ABAT: variants seen among roughly 807,000 people sequenced by gnomAD.
ABAT encodes 4-aminobutyrate aminotransferase, mitochondrial.
A neutral mutation model predicts 64.6 loss-of-function variants in ABAT; 45 were observed. The ratio of observed to expected loss-of-function variants is 0.70; its 90% CI spans 0.55 to 0.89. The LOEUF (loss-of-function observed/expected upper bound fraction) is 0.89, where lower values mean the gene tolerates loss of function less well. Ranked by LOEUF, ABAT falls within the 40% of genes least tolerant of loss-of-function variation. The pLI is 0.00. For missense variants in ABAT, 633 were observed against 658.4 expected, an observed-to-expected ratio of 0.96 and a Z score of 0.42; for synonymous variants, 297 against 250.5, an observed-to-expected ratio of 1.19 and a Z score of -1.75.
intron 1 of ABAT, chr16:8,713,443 C>A: frequency 6.0e-6 from 1 of 165,362 alleles, no homozygotes; most frequent in Non-Finnish European, 1.3e-5. Context: ...TTTTTTCTCT[C>A]TGTTTATCGC....
chr16:8,744,601 C>T (rs2059276821), intron 2 of ABAT, among the ~76,000 whole-genome samples: 1 of 152,074 alleles, frequency 6.6e-6, no homozygotes. Context: ...CTCCTGACCT[C>T]AGGTGATCCA....
intron 1 of ABAT, among the ~76,000 whole-genome samples, chr16:8,679,946 C>A (rs1010058589): frequency 7.2e-5 from 11 of 152,064 alleles, no homozygotes; most frequent in African/African-American, 2.4e-4. Flanking sequence ...ACTGTCTTGC[C>A]CGTTGCAGGG....
chr16:8,685,801 A>G (rs1350159121), intron 1 of ABAT, among the ~76,000 whole-genome samples: 1 of 152,224 alleles, frequency 6.6e-6, no homozygotes, highest in Non-Finnish European at 1.5e-5. Flanking sequence ...GGAAGAGTAG[A>G]TCATGTCCCG....
At chr16:8,759,212 A>G (rs139117796) in intron 6 of ABAT, among the ~76,000 whole-genome samples, 15 of 152,072 alleles carry the variant, frequency 9.9e-5, no homozygotes, top group African/African-American at 3.6e-4. Flanking sequence ...AAGTTTCACA[A>G]CTCTTTTTGT....
At chr16:8,683,385 A>C (rs911973928) in intron 1 of ABAT, 6 of 153,072 alleles carry the variant, frequency 3.9e-5, no homozygotes, top group African/African-American at 1.4e-4. Flanking sequence ...CGGCATCAAT[A>C]TGGTGACCTC....
Position 8,757,786 on chromosome 16 carries a change from A to G in ABAT, c.346A>G (p.Ile116Val). ...CAGCCACCCCGCCCTGCTGAAACTC[A>G]TCCAACAGCCTCAAAATGCGGTAGG... ...GYSHPALLKL[I>V]QQPQNASMFV... The change falls in exon 6 of 16, where the codon ATC (isoleucine) becomes GTC (valine). Residue 116 changes from isoleucine to valine, a missense_variant. Coordinates refer to ENST00000268251, the MANE Select transcript of ABAT (RefSeq NM_020686.6). The G allele has an allele frequency of 6.2e-7, 1 of 1,614,114 alleles. No homozygotes were observed. The highest frequency in any genetic ancestry group is 8.5e-7 in the Non-Finnish European group (1 of 1,179,960).
intron 1 of ABAT, among the ~76,000 whole-genome samples, chr16:8,714,438 C>G (rs1821884694): frequency 6.6e-6 from 1 of 152,230 alleles, no homozygotes; most frequent in Non-Finnish European, 1.5e-5. Context: ...GCGGCTCACG[C>G]CAAGAGTAGA....
rs78213813 is a variant in ABAT, at chr16:8,761,556, C to T, written c.367-2513C>T. ...GATTTGATGGTGAATCCACGTTCTC[C>T]GTCCCAGTCTGGGTTGGGTTGTTCT... On this transcript the variant is annotated intron_variant, in intron 6 of 15. Coordinates refer to ENST00000268251, the MANE Select transcript of ABAT (RefSeq NM_020686.6). Among the ~76,000 whole-genome samples, 1,398 of 152,322 alleles carry T rather than the reference C, an allele frequency of 9.2e-3. 18 individuals carry two copies. The highest frequency in any genetic ancestry group is 0.028 in the African/African-American group (1,174 of 41,566).
At chr16:8,675,733 G>A (rs1194964244) in intron 1 of ABAT, among the ~76,000 whole-genome samples, 1 of 152,168 alleles carries the variant, frequency 6.6e-6, no homozygotes, top group Non-Finnish European at 1.5e-5. Context: ...CTCTGAGGCA[G>A]CAGGACCAGC....
At position 8,781,405 on chromosome 16, in the gene ABAT, G is replaced by C; in HGVS notation, c.1478G>C (p.Ser493Thr). 6.2e-7 allele frequency: 1 copy of C among 1,614,196 alleles called. No individual in the cohort carries two copies. The highest frequency in any genetic ancestry group is 8.5e-7 in the Non-Finnish European group (1 of 1,180,034). The change falls in exon 16 of 16, where the codon AGT becomes ACT. Residue 493 changes from serine to threonine, a missense_variant. Physicochemically the swap from Ser to Thr is moderately conservative, Grantham distance 58. Coordinates refer to ENST00000268251, the MANE Select transcript of ABAT (RefSeq NM_020686.6). The surrounding 1 kb of genome is among the most constrained non-coding windows in gnomAD (Gnocchi z 4.5). Reference protein sequence around the residue: ...HHAHLFLNIFSDILADFK With the variant: ...HHAHLFLNIFTDILADFK ...GCTCACCTGTTCCTCAATATTTTCA[G>C]TGACATCTTAGCAGACTTCAAGTAA...
At chr16:8,686,810 A>G (rs1314213761) in intron 1 of ABAT, among the ~76,000 whole-genome samples, 1 of 152,230 alleles carries the variant, frequency 6.6e-6, no homozygotes. Context: ...CCTAATGATC[A>G]CAGCAGAGTT....
chr16:8,777,570 G>C (rs926850246), intron 14 of ABAT, among the ~76,000 whole-genome samples: 3 of 152,160 alleles, frequency 2.0e-5, no homozygotes, highest in African/African-American at 2.4e-5. Context: ...CCGTAAGGAC[G>C]TGTGGGGATG....
chr16:8,687,931 C>T (rs2057494019), intron 1 of ABAT, among the ~76,000 whole-genome samples: 1 of 151,748 alleles, frequency 6.6e-6, no homozygotes, highest in Admixed American at 6.6e-5. Flanking sequence ...AGGGGTCTCA[C>T]TCTGTTGCTC....
At chr16:8,675,834 C>T (rs904176412) in intron 1 of ABAT, among the ~76,000 whole-genome samples, 59 of 152,188 alleles carry the variant, frequency 3.9e-4, no homozygotes, top group African/African-American at 1.4e-3. Context: ...TCTGGGAGGA[C>T]AGCTGGCCCT....
At chr16:8,695,279 T>C (rs1385413113) in intron 1 of ABAT, among the ~76,000 whole-genome samples, 1 of 152,222 alleles carries the variant, frequency 6.6e-6, no homozygotes, top group East Asian at 1.9e-4. Flanking sequence ...AGGAGAACTC[T>C]TCAGAGATTT....
chr16:8,708,248 C>T (rs551577471), intron 1 of ABAT, among the ~76,000 whole-genome samples: 1 of 152,226 alleles, frequency 6.6e-6, no homozygotes, highest in South Asian at 2.1e-4. Context: ...GAGTTAGTTG[C>T]AGACTTTTTA....
Position 8,775,076 on chromosome 16 carries a change from T to C in ABAT, c.1122+19T>C, listed in dbSNP as rs200806830. The C allele has an allele frequency of 6.2e-7, 1 of 1,614,136 alleles. No homozygotes were observed. The highest frequency in any genetic ancestry group is 1.1e-5 in the South Asian group (1 of 91,076). Reference sequence around the variant, plus strand: ...TAATGCTGTGAGTTGGAGCCAACCTTCTCTCTACATCCAGGGCAGAGAAGG... The same window carrying C: ...TAATGCTGTGAGTTGGAGCCAACCTCCTCTCTACATCCAGGGCAGAGAAGG... On this transcript the variant is annotated intron_variant, in intron 13 of 15. Transcript: ENST00000268251.
intron 9 of ABAT, 30 bp downstream of exon 9, chr16:8,766,300 A>G (rs749604633): frequency 5.6e-6 from 9 of 1,608,496 alleles, no homozygotes; most frequent in South Asian, 2.2e-5. Context: ...CACCACGTAC[A>G]TCTGGGGAAG....
intron 15 of ABAT, chr16:8,780,796 C>T (rs530754069): frequency 2.2e-5 from 4 of 183,840 alleles, no homozygotes; most frequent in South Asian, 2.0e-4. Flanking sequence ...TAAACAACCT[C>T]GACAAGGAAA....
Sources: gnomAD v4.1 joint callset for allele counts (sites outside exome capture counted in the v4.1 genomes callset) on GRCh38, gnomAD v4.1.1 for gene constraint, Gnocchi (gnomAD v3.1) non-coding constraint, MANE v1.5 for transcripts, NCBI Gene and HGNC (gene_info 2026-07-23, HGNC 2026-07-21) for gene names.